The following SGMS1 variants were observed in gnomAD, a reference collection of about 807,000 sequenced individuals.
SGMS1 encodes phosphatidylcholine:ceramide cholinephosphotransferase 1.
Under a neutral mutation model 46.2 loss-of-function variants are expected in SGMS1, and 13 were observed. The ratio of observed to expected loss-of-function variants is 0.28; its 90% CI spans 0.18 to 0.45. The LOEUF is 0.45. Ranked by LOEUF, SGMS1 falls within the 20% of genes least tolerant of loss-of-function variation. The pLI is 1.00. For synonymous variants in SGMS1, 203 were observed against 187.8 expected, an observed-to-expected ratio of 1.08 and a Z score of -0.66; for missense variants, 324 against 519.9, an observed-to-expected ratio of 0.62 and a Z score of 3.66.
In SGMS1 at chr10:50,379,928, C is replaced by T. The variant is rs1026273452; in HGVS notation, c.-231-35583G>A. Among the ~76,000 whole-genome samples, 15 of 152,226 alleles carry T rather than the reference C, an allele frequency of 9.9e-5. No homozygotes were observed. In the South Asian group the frequency reaches 3.1e-3, roughly 32 times the overall value. Reference sequence around the variant, plus strand: ...CAGAGCTCTTTTGCCCATCTCAAGGCCTGAAGCTTGAGTAAGTGACAAAAT... The same window carrying T: ...CAGAGCTCTTTTGCCCATCTCAAGGTCTGAAGCTTGAGTAAGTGACAAAAT... On this transcript the variant is annotated intron_variant, in intron 6 of 10. Coordinates refer to ENST00000361781, the MANE Select transcript of SGMS1 (RefSeq NM_147156.4).
At chr10:50,572,825 C>T (rs1247270002) in intron 2 of SGMS1, among the ~76,000 whole-genome samples, 1 of 152,104 alleles carries the variant, frequency 6.6e-6, no homozygotes. Context: ...TCATCTCCAC[C>T]ATTTAAAACA....
chr10:50,413,273 A>T (rs1378233432), intron 6 of SGMS1, among the ~76,000 whole-genome samples: 2 of 152,196 alleles, frequency 1.3e-5, no homozygotes, highest in Non-Finnish European at 2.9e-5. Context: ...GATTCCAGCA[A>T]AGGTGTATCT....
At chr10:50,494,139 G>C (rs1012975086) in intron 3 of SGMS1, among the ~76,000 whole-genome samples, 127 of 152,304 alleles carry the variant, frequency 8.3e-4, no homozygotes, top group African/African-American at 2.9e-3. Context: ...ACAAATGCTG[G>C]CGAGGTTCTA....
At chr10:50,557,685 C>CAAAAAAAAAAAAAAAAAAACAAAAAA in intron 2 of SGMS1, among the ~76,000 whole-genome samples, 1 of 114,888 alleles carries the variant, frequency 8.7e-6, no homozygotes, top group Non-Finnish European at 1.8e-5. Context: ...ACTCTAACAG[C>CAAAAAAAAAAAAAAAAAAACAAAAAA]AAAAAAAAAA....
At chr10:50,601,811 G>A (rs1564442046) in intron 1 of SGMS1, among the ~76,000 whole-genome samples, 1 of 152,170 alleles carries the variant, frequency 6.6e-6, no homozygotes, top group Non-Finnish European at 1.5e-5. Flanking sequence ...TACCTAATGA[G>A]ATATTTTGGG....
intron 5 of SGMS1, among the ~76,000 whole-genome samples, chr10:50,442,040 T>C (rs1849552212): frequency 6.6e-6 from 1 of 152,204 alleles, no homozygotes. Context: ...ATTCATTAAC[T>C]TGCTTTTATT....
chr10:50,482,381 A>G (rs1837484759), intron 3 of SGMS1, among the ~76,000 whole-genome samples: 2 of 152,266 alleles, frequency 1.3e-5, no homozygotes, highest in East Asian at 1.9e-4. Context: ...ATTCTTAAAG[A>G]AAAGAATTTC....
intron 6 of SGMS1, among the ~76,000 whole-genome samples, chr10:50,413,692 C>T (rs914244639): frequency 7.2e-5 from 11 of 152,166 alleles, no homozygotes; most frequent in African/African-American, 2.7e-4. Flanking sequence ...CCAAATTTTC[C>T]CTGGGGGTTT....
chr10:50,406,146 A>T (rs564511676), intron 6 of SGMS1, among the ~76,000 whole-genome samples: 1 of 152,310 alleles, frequency 6.6e-6, no homozygotes, highest in East Asian at 1.9e-4. Flanking sequence ...ACTGCCTCTC[A>T]GCTACAAATT....
At chr10:50,535,817 G>A (rs1302310188) in intron 2 of SGMS1, among the ~76,000 whole-genome samples, 1 of 151,996 alleles carries the variant, frequency 6.6e-6, no homozygotes, top group East Asian at 1.9e-4. Context: ...GGGGGAGAGG[G>A]GCCAAGCTTG....
chr10:50,478,359 C>T (rs574924318), intron 3 of SGMS1, among the ~76,000 whole-genome samples: 2 of 152,270 alleles, frequency 1.3e-5, no homozygotes, highest in South Asian at 4.1e-4. Flanking sequence ...AATAGCTATA[C>T]CTCTAAATTA....
intron 2 of SGMS1, among the ~76,000 whole-genome samples, chr10:50,562,376 ACT>A (rs1475594912): frequency 7.5e-5 from 11 of 146,708 alleles, no homozygotes; most frequent in South Asian, 2.2e-4. Flanking sequence ...ACACACACAC[ACT>A]CACACACGGG....
chr10:50,435,950 T>C (rs1472049554), intron 5 of SGMS1, among the ~76,000 whole-genome samples: 4 of 152,214 alleles, frequency 2.6e-5, no homozygotes, highest in South Asian at 2.1e-4. Flanking sequence ...CAGTGTGCAA[T>C]GTTCACAAGA....
chr10:50,338,142 G>A (rs1323366819), intron 7 of SGMS1, among the ~76,000 whole-genome samples: 2 of 152,032 alleles, frequency 1.3e-5, no homozygotes, highest in East Asian at 3.9e-4. Flanking sequence ...AATTTTCAGA[G>A]AAAATTGTCA....
intron 2 of SGMS1, among the ~76,000 whole-genome samples, chr10:50,555,359 T>A (rs1404627190): frequency 3.3e-5 from 5 of 152,082 alleles, no homozygotes; most frequent in African/African-American, 1.2e-4. Flanking sequence ...TGGATTGGAG[T>A]CAACTCAGAA....
intron 1 of SGMS1, among the ~76,000 whole-genome samples, chr10:50,612,615 A>G (rs191275158): frequency 6.6e-6 from 1 of 152,376 alleles, no homozygotes; most frequent in Admixed American, 6.5e-5. Context: ...CTTTCTTTTA[A>G]AAGTTGATTT....
intron 5 of SGMS1, among the ~76,000 whole-genome samples, chr10:50,452,448 A>AT (rs1837123407): frequency 1.3e-5 from 2 of 152,202 alleles, no homozygotes; most frequent in Admixed American, 1.3e-4. Flanking sequence ...AAATAGGTCT[A>AT]TTTTTGAAGA....
chr10:50,493,096 A>G (rs1325949501), intron 3 of SGMS1, among the ~76,000 whole-genome samples: 4 of 152,320 alleles, frequency 2.6e-5, no homozygotes, highest in African/African-American at 7.2e-5. Flanking sequence ...CCAAAACATC[A>G]TGGTACTGTT....
chr10:50,624,559 G>A (rs931209238), upstream of SGMS1: 4 of 982,714 alleles, frequency 4.1e-6, no homozygotes, highest in African/African-American at 1.7e-5. Flanking sequence ...ACCGCGCGAG[G>A]TGAAAACTCC....
Sources: allele counts gnomAD v4.1 joint callset (sites outside exome capture counted in the v4.1 genomes callset), GRCh38; gene constraint gnomAD v4.1.1; transcripts MANE v1.5; gene names NCBI Gene and HGNC (gene_info 2026-07-23, HGNC 2026-07-21).